VWA8: variants seen among roughly 807,000 people sequenced by gnomAD.
VWA8 encodes the protein von Willebrand factor A domain-containing protein 8.
In VWA8, 221 loss-of-function variants were observed where a neutral mutation model predicts 241.5. That is an observed-to-expected ratio of 0.91 (90% CI 0.82 to 1.02). VWA8 has a LOEUF of 1.02. Among genes scored for constraint, VWA8 ranks in the 50% least tolerant of loss-of-function variants. VWA8 has a pLI of 0.00. For synonymous variants in VWA8, 852 were observed against 827.1 expected (o/e 1.03, Z -0.52); for missense variants, 2,322 against 2,328.7 (o/e 1.00, Z 0.06).
intron 35 of VWA8, among the ~76,000 whole-genome samples, chr13:41,677,697 C>A (rs2137805094): frequency 6.6e-6 from 1 of 152,180 alleles, no homozygotes; most frequent in Middle Eastern, 3.4e-3. Context: ...CAACACAAAA[C>A]CCAAGCTTTT....
chr13:41,654,877 T>C (rs1231925444), intron 37 of VWA8, among the ~76,000 whole-genome samples: 1 of 152,162 alleles, frequency 6.6e-6, no homozygotes, highest in Non-Finnish European at 1.5e-5. Flanking sequence ...TGAGGAACTG[T>C]TCAGATTGAA....
chr13:41,846,620 A>G (rs755139022), intron 12 of VWA8, among the ~76,000 whole-genome samples: 1 of 152,232 alleles, frequency 6.6e-6, no homozygotes, highest in Non-Finnish European at 1.5e-5. Flanking sequence ...TAGAAGTGAT[A>G]TGACAATGCT....
intron 21 of VWA8, among the ~76,000 whole-genome samples, chr13:41,738,315 G>C (rs926017614): frequency 6.6e-6 from 1 of 152,018 alleles, no homozygotes; most frequent in Non-Finnish European, 1.5e-5. Context: ...AAAACATTAG[G>C]GGGATAATAT....
rs1054284324 is a variant in VWA8 at position 41,719,726 on chromosome 13, C to G, written c.2981G>C (p.Gly994Ala). Reference sequence around the variant, plus strand: ...CACATTTCGAACTACACTGGAGAGACCTTCAGTCGGAAATTTCTGTATTAA... The same window carrying G: ...CACATTTCGAACTACACTGGAGAGAGCTTCAGTCGGAAATTTCTGTATTAA... Reference protein sequence around the residue: ...VKHLQKFPTEGLSSVVRNVFD... With the variant: ...VKHLQKFPTEALSSVVRNVFD... Residue 994 changes from glycine (G) to alanine (A), a missense_variant, in exon 26 of 45, where the codon GGT becomes GCT. Coordinates refer to ENST00000379310, the MANE Select transcript of VWA8 (RefSeq NM_015058.2). 6.2e-7 allele frequency: 1 copy of G among 1,606,466 alleles called. No homozygotes were observed. Among genetic ancestry groups the G allele is most frequent in the Non-Finnish European group, 8.5e-7 (1 of 1,177,418 alleles).
chr13:41,700,762 A>G (rs1478355474), intron 28 of VWA8, among the ~76,000 whole-genome samples: 2 of 152,254 alleles, frequency 1.3e-5, no homozygotes, highest in African/African-American at 2.4e-5. Context: ...AATAGAACTT[A>G]TAGGCATAAA....
At chr13:41,572,130 G>A (rs1403396803) in intron 43 of VWA8, among the ~76,000 whole-genome samples, 5 of 151,142 alleles carry the variant, frequency 3.3e-5, no homozygotes, top group African/African-American at 9.9e-5. Context: ...CGTCTGCGAA[G>A]TGAGGAGCCC....
intron 17 of VWA8, among the ~76,000 whole-genome samples, chr13:41,789,926 A>AT (rs1404316438): frequency 6.6e-6 from 1 of 152,184 alleles, no homozygotes; most frequent in Non-Finnish European, 1.5e-5. Flanking sequence ...TTTGTGCCTT[A>AT]ATTACTCAGG....
intron 2 of VWA8, among the ~76,000 whole-genome samples, chr13:41,921,065 G>A (rs1387410453): frequency 1.3e-5 from 2 of 152,154 alleles, no homozygotes; most frequent in Non-Finnish European, 2.9e-5. Context: ...AAAAACAGCA[G>A]CACATCAAAA....
intron 37 of VWA8, among the ~76,000 whole-genome samples, chr13:41,631,245 T>G (rs1042489600): frequency 1.2e-4 from 18 of 152,056 alleles, no homozygotes; most frequent in African/African-American, 4.1e-4. Flanking sequence ...GTCTTGAACC[T>G]TTGGGCTCAA....
At chr13:41,753,342 G>C (rs967379640) in intron 21 of VWA8, among the ~76,000 whole-genome samples, 1 of 152,048 alleles carries the variant, frequency 6.6e-6, no homozygotes, top group Non-Finnish European at 1.5e-5. Flanking sequence ...CCTAAAATAA[G>C]TCTGACTTTA....
At chr13:41,751,534 A>G (rs758319979) in intron 21 of VWA8, among the ~76,000 whole-genome samples, 14 of 152,266 alleles carry the variant, frequency 9.2e-5, no homozygotes, top group Admixed American at 2.6e-4. Context: ...CAGTATTTCT[A>G]TGTGCTCTCT....
At chr13:41,625,439 C>T (rs1341376819) in intron 37 of VWA8, among the ~76,000 whole-genome samples, 1 of 152,190 alleles carries the variant, frequency 6.6e-6, no homozygotes, top group Admixed American at 6.5e-5. Context: ...ACAGACACTT[C>T]TCAGAAGAAG....
chr13:41,690,292 C>T lies in VWA8; in HGVS notation c.3867-17G>A, dbSNP rs1481992742. 3 of 1,594,112 alleles carry T rather than the reference C, an allele frequency of 1.9e-6. No homozygotes were observed. Among genetic ancestry groups the T allele is most frequent in the Non-Finnish European group, 2.6e-6 (3 of 1,170,712 alleles). On this transcript the variant is annotated splice_polypyrimidine_tract_variant and intron_variant, in intron 32 of 44. Coordinates refer to ENST00000379310, the MANE Select transcript of VWA8 (RefSeq NM_015058.2). ...AGATATTTCCTGCAAACAAACAAAACATCTAGCTTAAGTGAAATTTTTCTT... is the reference window on the plus strand; with the variant it reads ...AGATATTTCCTGCAAACAAACAAAATATCTAGCTTAAGTGAAATTTTTCTT...
chr13:41,747,350 CT>C, intron 21 of VWA8, among the ~76,000 whole-genome samples: 1 of 152,256 alleles, frequency 6.6e-6, no homozygotes, highest in Non-Finnish European at 1.5e-5. Flanking sequence ...ATTTTATTCT[CT>C]TTGAAGCAAC....
chr13:41,776,445 C>T (rs1247773542), intron 20 of VWA8, among the ~76,000 whole-genome samples: 1 of 152,148 alleles, frequency 6.6e-6, no homozygotes, highest in Non-Finnish European at 1.5e-5. Context: ...TCTTCATCTT[C>T]CCACTCTGGT....
intron 37 of VWA8, among the ~76,000 whole-genome samples, chr13:41,624,398 T>C (rs111697460): frequency 0.038 from 5,733 of 152,254 alleles, 373 homozygotes; most frequent in African/African-American, 0.13. Flanking sequence ...CCAATATCCC[T>C]GATGAACATA....
intron 14 of VWA8, 86 bp from the exon 15 acceptor site, chr13:41,819,472 G>A: frequency 7.4e-7 from 1 of 1,357,638 alleles, no homozygotes; most frequent in Non-Finnish European, 1.0e-6. Flanking sequence ...GGCAACGTTA[G>A]GGCTATCATA....
intron 39 of VWA8, among the ~76,000 whole-genome samples, chr13:41,610,484 T>C (rs1370572553): frequency 1.3e-5 from 2 of 152,184 alleles, no homozygotes; most frequent in African/African-American, 4.8e-5. Context: ...AAGTGTGTTA[T>C]TTACCTGCTG....
chr13:41,939,765 C>T (rs1439212045), intron 2 of VWA8, among the ~76,000 whole-genome samples: 1 of 152,154 alleles, frequency 6.6e-6, no homozygotes, highest in Non-Finnish European at 1.5e-5. Flanking sequence ...TCTTAAGCAT[C>T]AGCCACTTAG....
Sources: gnomAD v4.1 joint callset for allele counts (sites outside exome capture counted in the v4.1 genomes callset) on GRCh38, gnomAD v4.1.1 for gene constraint, MANE v1.5 for transcripts, NCBI Gene and HGNC (gene_info 2026-07-23, HGNC 2026-07-21) for gene names.